KY: variants seen among roughly 807,000 people sequenced by gnomAD.
KY encodes the protein kyphoscoliosis peptidase.
Under a neutral mutation model 76.1 loss-of-function variants are expected in KY, and 43 were observed. The observed-to-expected ratio is 0.57, with a 90% CI of 0.44 to 0.73. The LOEUF is 0.73. Among genes scored for constraint, KY ranks in the 30% least tolerant of loss-of-function variants. The pLI is 0.00. For synonymous variants in KY, 277 were observed against 326.2 expected (o/e 0.85, Z 1.63); for missense variants, 722 against 828.9 (o/e 0.87, Z 1.58).
At chr3:134,650,448 G>C (rs1044849667) in intron 1 of KY, among the ~76,000 whole-genome samples, 18 of 151,994 alleles carry the variant, frequency 1.2e-4, no homozygotes, top group African/African-American at 4.1e-4. Context: ...AGTGTGCTGT[G>C]GGGGGGAGCA....
chr3:134,651,005 G>C lies in KY; in HGVS notation c.-45C>G. 6.2e-7 allele frequency: 1 copy of C among 1,610,884 alleles called. No individual in the cohort carries two copies. Among genetic ancestry groups the C allele is most frequent in the Non-Finnish European group, 8.5e-7 (1 of 1,178,590 alleles). The stretch of plus-strand genomic sequence containing the variant: ...CCTGGGCGCCGCGGCCGCACGCTAG[G>C]CTGCTTGCGCTGCAAATGGCCCCGT... On this transcript the variant is annotated 5_prime_UTR_variant, in exon 1 of 11. Coordinates refer to ENST00000423778, the MANE Select transcript of KY (RefSeq NM_178554.6).
At position 134,619,145 on chromosome 3, in the gene KY, T is replaced by C; in HGVS notation, c.710+3A>G. The stretch of plus-strand genomic sequence containing the variant: ...TCAGCATGGGGACTCCTGTCTCTCG[T>C]ACCTGCACATTCTCTCGAAGAGGCC... On this transcript the variant is annotated splice_donor_region_variant and intron_variant, in intron 8 of 10. Transcript: ENST00000423778. The C allele has an allele frequency of 6.2e-7, 1 of 1,612,312 alleles. No homozygotes were observed. The highest frequency in any genetic ancestry group is 8.5e-7 in the Non-Finnish European group (1 of 1,178,540).
chr3:134,610,680 G>T lies in KY; in HGVS notation c.711-297C>A, dbSNP rs1242787477. On this transcript the variant is annotated intron_variant, in intron 8 of 10. Coordinates refer to ENST00000423778, the MANE Select transcript of KY (RefSeq NM_178554.6). ...CACTTCTGAAATGTTCATCCCTAGAGCCTGCTTGACACGCTCCTCAAGCAG... is the reference window on the plus strand; with the variant it reads ...CACTTCTGAAATGTTCATCCCTAGATCCTGCTTGACACGCTCCTCAAGCAG... 2.4e-5 allele frequency: 7 copies of T among 296,704 alleles called. 1 individual carries two copies. The Admixed American group carries it at 3.5e-4, about 15-fold the overall frequency. The allele number at this position is 296,704 out of a possible 1,614,324, so 18.4% of individuals were successfully genotyped here.
chr3:134,638,686 A>G (rs1008484874), intron 3 of KY, among the ~76,000 whole-genome samples: 1 of 152,224 alleles, frequency 6.6e-6, no homozygotes, highest in Non-Finnish European at 1.5e-5. Flanking sequence ...ACAGGCAAGC[A>G]CAAGAATGTC....
chr3:134,622,219 C>T (rs951999470), intron 6 of KY, among the ~76,000 whole-genome samples: 1 of 152,080 alleles, frequency 6.6e-6, no homozygotes, highest in Non-Finnish European at 1.5e-5. Flanking sequence ...AGGTACGCAA[C>T]CAAAAAAACC....
intron 3 of KY, among the ~76,000 whole-genome samples, chr3:134,642,453 G>A (rs1042173063): frequency 2.0e-5 from 3 of 152,228 alleles, no homozygotes; most frequent in Non-Finnish European, 1.5e-5. Flanking sequence ...GTGGGCGTGA[G>A]AGTCTCTAAC....
intron 6 of KY, among the ~76,000 whole-genome samples, chr3:134,623,838 C>T (rs760672755): frequency 1.3e-5 from 2 of 152,066 alleles, no homozygotes; most frequent in Non-Finnish European, 2.9e-5. Context: ...CCTCCCTGGA[C>T]CTTCCAGAAC....
At chr3:134,611,680 C>T (rs1960485963) in intron 8 of KY, among the ~76,000 whole-genome samples, 1 of 152,188 alleles carries the variant, frequency 6.6e-6, no homozygotes, top group South Asian at 2.1e-4. Flanking sequence ...CAGTGGTGAC[C>T]CTGTGCTGTA....
intron 3 of KY, chr3:134,641,385 C>A (rs1316508892): frequency 6.6e-6 from 1 of 152,148 alleles, no homozygotes; most frequent in African/African-American, 2.4e-5. Context: ...CTGAATGCGA[C>A]CACACATATC....
rs1958966642 is a variant in KY at position 134,601,564 on chromosome 3, T to G, written c.*2015A>C. On this transcript the variant is annotated 3_prime_UTR_variant, in exon 11 of 11. Coordinates refer to ENST00000423778, the MANE Select transcript of KY (RefSeq NM_178554.6). ...GCTGTTTTCAGGGTGTAAAACTCCCTTTGTTTCCCTGTGGTGGTGCATAGC... is the reference window on the plus strand; with the variant it reads ...GCTGTTTTCAGGGTGTAAAACTCCCGTTGTTTCCCTGTGGTGGTGCATAGC... 1.3e-5 allele frequency among the ~76,000 whole-genome samples: 2 copies of G among 152,312 alleles called. No individual in the cohort carries two copies. The highest frequency in any genetic ancestry group is 4.1e-4 in the South Asian group (2 of 4,830).
In KY at chr3:134,625,061, C is replaced by G; in HGVS notation, c.475G>C (p.Ala159Pro). ...GCGGCCAGCTGTCCTACCTGTGAGG[C>G]GTAGATATCCAATTTCTCAAACTGC... ...LQQFEKLDIY[A>P]SQVTAKSGLD... The change falls in exon 6 of 11, where the codon GCC (alanine) becomes CCC (proline). Residue 159 changes from alanine to proline, a missense_variant. By Grantham distance (27) the Ala-to-Pro change is conservative. Transcript: ENST00000423778. 6.3e-7 allele frequency: 1 copy of G among 1,596,932 alleles called. No individual in the cohort carries two copies. Among genetic ancestry groups the G allele is most frequent in the Non-Finnish European group, 8.5e-7 (1 of 1,171,622 alleles).
intron 10 of KY, chr3:134,607,702 A>C: frequency 3.0e-6 from 3 of 985,766 alleles, no homozygotes; most frequent in Non-Finnish European, 3.6e-6. Flanking sequence ...TATGCCTCAG[A>C]GTGTGCAAAC....
chr3:134,646,437 A>G (rs545125657), intron 2 of KY, among the ~76,000 whole-genome samples: 273 of 152,132 alleles, frequency 1.8e-3, no homozygotes, highest in African/African-American at 6.4e-3. Context: ...TATAATTCCA[A>G]TCATTTTAAT....
At chr3:134,609,006 T>C (rs1305692346) in intron 9 of KY, among the ~76,000 whole-genome samples, 167 bp from the exon 10 acceptor site, 5 of 152,136 alleles carry the variant, frequency 3.3e-5, no homozygotes, top group Non-Finnish European at 5.9e-5. Flanking sequence ...CCAGAAATTG[T>C]AGTCAAGGCA....
At chr3:134,616,831 C>A (rs1961652572) in intron 8 of KY, among the ~76,000 whole-genome samples, 1 of 152,126 alleles carries the variant, frequency 6.6e-6, no homozygotes, top group African/African-American at 2.4e-5. Flanking sequence ...TCAAGAAAGA[C>A]AAGATAGGTC....
chr3:134,604,258 T>A lies in KY; in HGVS notation c.1307A>T (p.Asn436Ile), dbSNP rs781436826. The change falls in exon 11 of 11, where the codon AAT becomes ATT. Residue 436 changes from asparagine (N) to isoleucine (I), a missense_variant. This residue lies in a region of KY where 552 missense variants were observed against 680.9 expected (regional missense o/e 0.81). Coordinates refer to ENST00000423778, the MANE Select transcript of KY (RefSeq NM_178554.6). ...CAGCTGGACACCCATGTCCACATAATTGCACTTGAGCGTGTACTCCAGCAC... is the reference window on the plus strand; with the variant it reads ...CAGCTGGACACCCATGTCCACATAAATGCACTTGAGCGTGTACTCCAGCAC... ...SSVLEYTLKC[N>I]YVDMGVQLPA... 6.2e-7 allele frequency: 1 copy of A among 1,613,806 alleles called. No homozygotes were observed. Among genetic ancestry groups the A allele is most frequent in the Admixed American group, 1.7e-5 (1 of 60,004 alleles).
At chr3:134,625,306 C>T (rs1329286342) in intron 5 of KY, among the ~76,000 whole-genome samples, 171 bp from the exon 6 acceptor site, 1 of 152,344 alleles carries the variant, frequency 6.6e-6, no homozygotes, top group East Asian at 1.9e-4. Flanking sequence ...GAAGGGTCCC[C>T]TGATCAAGTT....
intron 3 of KY, among the ~76,000 whole-genome samples, chr3:134,637,396 T>C (rs773851269): frequency 9.2e-5 from 14 of 152,336 alleles, no homozygotes; most frequent in South Asian, 6.2e-4. Context: ...GGTACTTGAC[T>C]TCAAGATGCC....
At chr3:134,631,333 A>T (rs1181288159) in intron 3 of KY, among the ~76,000 whole-genome samples, 2 of 152,230 alleles carry the variant, frequency 1.3e-5, no homozygotes, top group Non-Finnish European at 2.9e-5. Flanking sequence ...GTGAAAAGCG[A>T]TGTAAAGCCA....
Sources: gnomAD v4.1 joint callset for allele counts (sites outside exome capture counted in the v4.1 genomes callset) on GRCh38, gnomAD v4.1.1 for gene constraint, gnomAD v4.1.1 regional missense constraint, MANE v1.5 for transcripts, NCBI Gene and HGNC (gene_info 2026-07-23, HGNC 2026-07-21) for gene names.